The following USH2A variants were observed in gnomAD, a reference collection of about 807,000 sequenced individuals.
USH2A encodes the protein Usher syndrome 2A (autosomal recessive, mild).
USH2A carries 443 observed loss-of-function variants against 538.9 expected under a neutral mutation model. The ratio of observed to expected loss-of-function variants is 0.82; its 90% CI spans 0.76 to 0.89. The LOEUF (loss-of-function observed/expected upper bound fraction) is 0.89. USH2A is among the 40% of genes least tolerant of loss of function. USH2A has a pLI of 0.00. For synonymous variants in USH2A, 2,413 were observed against 2,273.5 expected, an observed-to-expected ratio of 1.06 and a Z score of -1.75; for missense variants, 6,633 against 6,324.8, an observed-to-expected ratio of 1.05 and a Z score of -1.65.
chr1:216,207,455 T>C (rs1558317616), intron 15 of USH2A, 24 bp from the exon 16 acceptor site: 1 of 1,613,762 alleles, frequency 6.2e-7, no homozygotes, highest in East Asian at 2.2e-5. Flanking sequence ...AAGAGAGCAT[T>C]TATTAGCAAA....
In USH2A at chr1:216,217,512, T is replaced by C. The variant is rs1166837819; in HGVS notation, c.3032A>G (p.Asn1011Ser). The change falls in exon 15 of 72, where the codon AAT becomes AGT. Residue 1011 changes from asparagine to serine, a missense_variant. Asn to Ser is a conservative substitution (Grantham distance 46). Coordinates refer to ENST00000307340, the MANE Select transcript of USH2A (RefSeq NM_206933.4). Reference sequence around the variant, plus strand: ...GCCTGTGACCAAGTGACAGGTTTCATTCAAGGCTCCTGAGAGATGACAATT... The same window carrying C: ...GCCTGTGACCAAGTGACAGGTTTCACTCAAGGCTCCTGAGAGATGACAATT... ...PCNCHLSGAL[N>S]ETCHLVTGQC... is the part of the protein sequence containing the mutation. 6.2e-7 allele frequency: 1 copy of C among 1,613,218 alleles called. No homozygotes were observed. The highest frequency in any genetic ancestry group is 1.7e-5 in the Admixed American group (1 of 59,944).
intron 14 of USH2A, among the ~76,000 whole-genome samples, chr1:216,221,471 G>C (rs956220527): frequency 6.6e-6 from 1 of 152,164 alleles, no homozygotes; most frequent in African/African-American, 2.4e-5. Flanking sequence ...CAGAATTATA[G>C]GAGAGGGATT....
intron 37 of USH2A, among the ~76,000 whole-genome samples, chr1:215,949,219 C>A (rs1666850319): frequency 6.6e-6 from 1 of 151,732 alleles, no homozygotes; most frequent in African/African-American, 2.4e-5. Context: ...AGTAAAAATA[C>A]CTGGAATAAC....
rs370154899 is a variant in USH2A at position 216,147,412 on chromosome 1, G to A, written c.4627+27840C>T. Reference sequence around the variant, plus strand: ...TGGCTGGAGCTAAAGGCATAGTCAAGGTTAATGCTCCTTTTTCTTTATCCC... The same window carrying A: ...TGGCTGGAGCTAAAGGCATAGTCAAAGTTAATGCTCCTTTTTCTTTATCCC... On this transcript the variant is annotated intron_variant, in intron 21 of 71. Transcript: ENST00000307340. Among the ~76,000 whole-genome samples, 4 of 152,218 alleles carry A rather than the reference G, an allele frequency of 2.6e-5. No individual in the cohort carries two copies. In the East Asian group the frequency reaches 5.8e-4, roughly 22 times the overall value.
At chr1:216,377,824 A>C (rs899135313) in intron 3 of USH2A, among the ~76,000 whole-genome samples, 1 of 45,976 alleles carries the variant, frequency 2.2e-5, no homozygotes, top group Non-Finnish European at 5.1e-5. Flanking sequence ...AGAAAGAAAG[A>C]AAGAAAGAAA....
chr1:215,845,843 A>T lies in USH2A; in HGVS notation c.9036T>A (p.His3012Gln). ...ACTCACCCCCATCGCAAGTGGTTGC[A>T]TGAAGTCCTGCACTGTTGATGCTGT... is the stretch of plus-strand genomic sequence containing the variant. ...GVHSINSAGLHATTCDGEPQG... is the reference protein window; with the variant it reads ...GVHSINSAGLQATTCDGEPQG... Residue 3012 changes from histidine (H) to glutamine (Q), a missense_variant, in exon 45 of 72, where the codon CAT (histidine) becomes CAA (glutamine). Coordinates refer to ENST00000307340, the MANE Select transcript of USH2A (RefSeq NM_206933.4). 6.2e-7 allele frequency: 1 copy of T among 1,613,834 alleles called. No homozygotes were observed. Among genetic ancestry groups the T allele is most frequent in the Non-Finnish European group, 8.5e-7 (1 of 1,179,868 alleles).
rs1342031054 is a variant in USH2A, at chr1:215,782,106, G to T, written c.10676C>A (p.Pro3559Gln). The part of the protein sequence containing the change: ...LSFSDKEGIQ[P>Q]FQEYSYQLKA... ...CAGCTGATATGAATATTCCTGAAAT[G>T]GTTGAATTCCCTCTTTATCAGAGAA... is the stretch of plus-strand genomic sequence containing the variant. Residue 3559 changes from proline (P) to glutamine (Q), a missense_variant, in exon 54 of 72, where the codon CCA becomes CAA. Coordinates refer to ENST00000307340, the MANE Select transcript of USH2A (RefSeq NM_206933.4). The T allele has an allele frequency of 6.2e-7, 1 of 1,613,870 alleles. No individual in the cohort carries two copies. The highest frequency in any genetic ancestry group is 1.3e-5 in the African/African-American group (1 of 74,910).
intron 37 of USH2A, among the ~76,000 whole-genome samples, chr1:215,942,908 G>A (rs1440027838): frequency 6.6e-6 from 1 of 152,224 alleles, no homozygotes; most frequent in Non-Finnish European, 1.5e-5. Flanking sequence ...GTTCCCAGGT[G>A]TGGGAGATAC....
At chr1:216,205,875 G>A (rs1444356374) in intron 16 of USH2A, among the ~76,000 whole-genome samples, 1 of 152,148 alleles carries the variant, frequency 6.6e-6, no homozygotes, top group East Asian at 1.9e-4. Flanking sequence ...TAGGGAAACT[G>A]TATCTAAAAC....
intron 37 of USH2A, among the ~76,000 whole-genome samples, chr1:215,953,020 C>G (rs1175566939): frequency 1.3e-5 from 2 of 152,040 alleles, no homozygotes; most frequent in South Asian, 2.1e-4. Context: ...ACGTGAAGGA[C>G]CTCTTCAAGG....
intron 30 of USH2A, among the ~76,000 whole-genome samples, chr1:216,055,336 G>A (rs1558234229): frequency 6.6e-6 from 1 of 152,158 alleles, no homozygotes; most frequent in Non-Finnish European, 1.5e-5. Flanking sequence ...CACAGGCAGA[G>A]CTGCTACTGC....
At chr1:216,221,869 G>A (rs1478385697) in intron 14 of USH2A, among the ~76,000 whole-genome samples, 1 of 152,192 alleles carries the variant, frequency 6.6e-6, no homozygotes, top group Non-Finnish European at 1.5e-5. Context: ...GGTCTCAGAA[G>A]GCATAAATAA....
intron 11 of USH2A, among the ~76,000 whole-genome samples, chr1:216,281,404 A>G (rs1571655569): frequency 1.3e-5 from 2 of 152,292 alleles, no homozygotes; most frequent in African/African-American, 4.8e-5. Context: ...AAAAGTTAAC[A>G]TTTTAAAGCA....
chr1:215,657,323 C>T (rs1219268285), intron 64 of USH2A, among the ~76,000 whole-genome samples: 2 of 152,206 alleles, frequency 1.3e-5, no homozygotes, highest in African/African-American at 4.8e-5. Flanking sequence ...GTTTGAATAG[C>T]AATATGCTGA....
chr1:216,375,072 T>A (rs1196373834), intron 3 of USH2A, among the ~76,000 whole-genome samples: 1 of 152,066 alleles, frequency 6.6e-6, no homozygotes, highest in Non-Finnish European at 1.5e-5. Context: ...ATAGATAGAT[T>A]AGATAGAATC....
rs560565171 is a variant in USH2A, at chr1:215,838,009, A to G, written c.9353T>C (p.Ile3118Thr). 1 of 1,613,940 alleles carries G rather than the reference A, an allele frequency of 6.2e-7. No individual in the cohort carries two copies. Among genetic ancestry groups the G allele is most frequent in the Non-Finnish European group, 8.5e-7 (1 of 1,179,832 alleles). Reference sequence around the variant, plus strand: ...TTTGTACCTTGAAGTGATGCCACGAATTGTGGGTGTTGGTATATCACTTGG... The same window carrying G: ...TTTGTACCTTGAAGTGATGCCACGAGTTGTGGGTGTTGGTATATCACTTGG... ...DTPSDIPTPT[I>T]RGITSRSLQI... is the part of the protein sequence containing the mutation. The change falls in exon 47 of 72, where the codon ATT (isoleucine) becomes ACT (threonine). Residue 3118 changes from isoleucine (I) to threonine (T), a missense_variant. Transcript: ENST00000307340.
At chr1:215,876,648 T>C (rs968013046) in intron 43 of USH2A, among the ~76,000 whole-genome samples, 1 of 151,962 alleles carries the variant, frequency 6.6e-6, no homozygotes, top group Non-Finnish European at 1.5e-5. Context: ...ACAATGACAA[T>C]AGTGATATGT....
intron 16 of USH2A, among the ~76,000 whole-genome samples, chr1:216,202,631 G>T (rs1181499988): frequency 6.6e-6 from 1 of 152,102 alleles, no homozygotes; most frequent in African/African-American, 2.4e-5. Context: ...GCACTGATTT[G>T]TGATCTTGGC....
chr1:216,164,611 T>C (rs993160606), intron 21 of USH2A, among the ~76,000 whole-genome samples: 9 of 152,006 alleles, frequency 5.9e-5, no homozygotes, highest in Non-Finnish European at 1.3e-4. Flanking sequence ...AGAAATGAGA[T>C]GCAGAACATG....
Sources: allele counts gnomAD v4.1 joint callset (sites outside exome capture counted in the v4.1 genomes callset), GRCh38; gene constraint gnomAD v4.1.1; transcripts MANE v1.5; gene names NCBI Gene and HGNC (gene_info 2026-07-23, HGNC 2026-07-21).